The following FFAR2 variants were observed in gnomAD, a reference collection of about 807,000 sequenced individuals.
FFAR2 encodes G-protein coupled receptor 43.
For missense variants in FFAR2, 421 were observed against 428.9 expected (o/e 0.98, Z 0.16); for synonymous variants, 193 against 189.9 (o/e 1.02, Z -0.13).
Position 35,450,394 on chromosome 19 carries a change from C to T in FFAR2, c.680C>T (p.Thr227Met), listed in dbSNP as rs776786198. The change falls in exon 2 of 2, where the codon ACG (threonine) becomes ATG (methionine). Residue 227 changes from threonine (T) to methionine (M), a missense_variant. Transcript: ENST00000599180. ...CGAGCCGTGGGGCTGGCTGTGGTGA[C>T]GCTGCTCAATTTCCTGGTGTGCTTC... ...RRRAVGLAVV[T>M]LLNFLVCFGP... is the part of the protein sequence containing the mutation. The T allele has an allele frequency of 1.7e-5, 27 of 1,614,114 alleles. No individual in the cohort carries two copies. The East Asian group carries it at 2.0e-4, about 12-fold the overall frequency.
chr19:35,448,969 ATTT>A (rs761444547), intron 1 of FFAR2, among the ~76,000 whole-genome samples: 1 of 143,898 alleles, frequency 6.9e-6, no homozygotes. Context: ...CACCCGGCTA[ATTT>A]TTTTTTTTTT....
Position 35,450,110 on chromosome 19 carries a change from G to A in FFAR2, c.396G>A (p.Val132=). The change falls in exon 2 of 2, where the codon GTG becomes GTA. Residue 132 remains valine (V), a synonymous_variant. Coordinates refer to ENST00000599180, the MANE Select transcript of FFAR2 (RefSeq NM_001370087.1). ...RPLYGVIAAL[V]AWVMSFGHCT... is the part of the protein sequence containing the mutation. Reference sequence around the variant, plus strand: ...TGTATGGAGTGATTGCAGCTCTGGTGGCCTGGGTTATGTCCTTTGGTCACT... The same window carrying A: ...TGTATGGAGTGATTGCAGCTCTGGTAGCCTGGGTTATGTCCTTTGGTCACT... 6.2e-7 allele frequency: 1 copy of A among 1,614,214 alleles called. No individual in the cohort carries two copies. Among genetic ancestry groups the A allele is most frequent in the South Asian group, 1.1e-5 (1 of 91,088 alleles).
chr19:35,449,745 C>T lies in FFAR2; in HGVS notation c.31C>T (p.Leu11Phe). The change falls in exon 2 of 2, where the codon CTC becomes TTC. Residue 11 changes from leucine to phenylalanine, a missense_variant. Physicochemically the swap from Leu to Phe is conservative, Grantham distance 22 (BLOSUM62 0). Transcript: ENST00000599180. Reference protein sequence around the residue: MLPDWKSSLILMAYIIIFLTG... With the variant: MLPDWKSSLIFMAYIIIFLTG... ...GCCGGACTGGAAGAGCTCCTTGATC[C>T]TCATGGCTTACATCATCATCTTCCT... is the stretch of plus-strand genomic sequence containing the variant. 6.3e-7 allele frequency: 1 copy of T among 1,577,914 alleles called. No homozygotes were observed. Among genetic ancestry groups the T allele is most frequent in the Non-Finnish European group, 8.6e-7 (1 of 1,163,006 alleles).
rs541799551 is a variant in FFAR2, at chr19:35,451,710, A to C, written c.*1003A>C. On this transcript the variant is annotated 3_prime_UTR_variant, in exon 2 of 2. Coordinates refer to ENST00000599180, the MANE Select transcript of FFAR2 (RefSeq NM_001370087.1). ...AGCAATCAGAGATTGGCACTCCCTC[A>C]TACAGGGGAAAGCAACCTGGTCTAG... is the stretch of plus-strand genomic sequence containing the variant. 1.6e-4 allele frequency: 24 copies of C among 152,340 alleles called. No individual in the cohort carries two copies. Among genetic ancestry groups the C allele is most frequent in the Middle Eastern group, 3.4e-3 (1 of 294 alleles). The allele number at this position is 152,340 out of a possible 1,614,324, so 9.4% of individuals were successfully genotyped here.
chr19:35,449,299 A>G (rs2067364706), intron 1 of FFAR2, among the ~76,000 whole-genome samples: 1 of 152,188 alleles, frequency 6.6e-6, no homozygotes, highest in Admixed American at 6.5e-5. Flanking sequence ...ACTGATAAGC[A>G]TCTTACAGCT....
In FFAR2 at chr19:35,450,173, T is replaced by C; in HGVS notation, c.459T>C (p.Thr153=). ...TCATCGTTCAATACTTGAACACGAC[T>C]GAGCAGGTCAGAAGTGGCAATGAAA... ...IVIIVQYLNT[T]EQVRSGNEIT... is the part of the protein sequence containing the mutation. The change falls in exon 2 of 2, where the codon ACT becomes ACC. Residue 153 remains threonine (T), a synonymous_variant. Coordinates refer to ENST00000599180, the MANE Select transcript of FFAR2 (RefSeq NM_001370087.1). The C allele has an allele frequency of 6.2e-7, 1 of 1,614,218 alleles. No homozygotes were observed. The highest frequency in any genetic ancestry group is 8.5e-7 in the Non-Finnish European group (1 of 1,180,030).
Position 35,449,609 on chromosome 19 carries a change from G to A in FFAR2, c.-1-105G>A, listed in dbSNP as rs538031046. The stretch of plus-strand genomic sequence containing the variant: ...GGTGGCATCAGAAAGCACAGTCCTG[G>A]GAAGGGGACGGTGCCGGGGAGGATG... On this transcript the variant is annotated intron_variant, in intron 1 of 1. Transcript: ENST00000599180. The A allele has an allele frequency of 4.9e-6, 6 of 1,235,342 alleles. No individual in the cohort carries two copies. In the East Asian group the frequency reaches 1.4e-4, roughly 30 times the overall value. 76.5% of individuals were successfully genotyped at this position (1,235,342 alleles called of 1,614,324 possible).
Position 35,451,667 on chromosome 19 carries a change from G to A in FFAR2, c.*960G>A, listed in dbSNP as rs1236226102. The A allele has an allele frequency of 1.3e-5, 2 of 152,196 alleles. No individual in the cohort carries two copies. Among genetic ancestry groups the A allele is most frequent in the Admixed American group, 6.5e-5 (1 of 15,278 alleles). 9.4% of individuals were successfully genotyped at this position (152,196 alleles called of 1,614,324 possible). On this transcript the variant is annotated 3_prime_UTR_variant, in exon 2 of 2. Coordinates refer to ENST00000599180, the MANE Select transcript of FFAR2 (RefSeq NM_001370087.1). ...CCTCCATGGTACCCCACACAGGCCA[G>A]GATGTGGTTTGGTACCCAGCAATCA...
intron 1 of FFAR2, 90 bp from the exon 2 acceptor site, chr19:35,449,624 C>G (rs368888315): frequency 2.9e-6 from 4 of 1,383,344 alleles, no homozygotes; most frequent in South Asian, 1.4e-5. Flanking sequence ...GGGACGGTGC[C>G]GGGGAGGATG....
At position 35,450,008 on chromosome 19, in the gene FFAR2, G is replaced by A. The variant is rs575516069; in HGVS notation, c.294G>A (p.Trp98Ter). Residue 98 changes from tryptophan (W) to a stop codon, truncating the protein, a stop_gained, in exon 2 of 2, where the codon TGG (tryptophan) becomes TGA (stop). Transcript: ENST00000599180. LOFTEE classifies it low-confidence loss of function (END_TRUNC). ...ACAGCAGCATCTACTGCAGCACGTG[G>A]CTCCTGGCGGGCATCAGCATCGAGC... ...GFYSSIYCST[W>*]LLAGISIERY... The A allele has an allele frequency of 6.2e-7, 1 of 1,614,174 alleles. No individual in the cohort carries two copies. Among genetic ancestry groups the A allele is most frequent in the South Asian group, 1.1e-5 (1 of 91,088 alleles).
Position 35,450,613 on chromosome 19 carries a change from G to A in FFAR2, c.899G>A (p.Gly300Glu), listed in dbSNP as rs754514726. Residue 300 changes from glycine (G) to glutamate (E), a missense_variant, in exon 2 of 2, where the codon GGA becomes GAA. Gly to Glu is a moderately conservative substitution (Grantham distance 98, BLOSUM62 -2). Transcript: ENST00000599180. Reference protein sequence around the residue: ...VLRNQGSSLLGRRGKDTAEGT... With the variant: ...VLRNQGSSLLERRGKDTAEGT... The stretch of plus-strand genomic sequence containing the variant: ...CGGAATCAGGGCTCCTCCCTGTTGG[G>A]ACGCAGAGGCAAAGACACAGCAGAG... The A allele has an allele frequency of 1.2e-6, 2 of 1,614,214 alleles. No homozygotes were observed. Among genetic ancestry groups the A allele is most frequent in the South Asian group, 2.2e-5 (2 of 91,090 alleles).
rs117215242 is a variant in FFAR2 at position 35,449,819 on chromosome 19, G to T, written c.105G>T (p.Arg35=). 7,864 of 1,613,652 alleles carry T rather than the reference G, an allele frequency of 4.9e-3. 22 individuals are homozygous for T. The highest frequency in any genetic ancestry group is 6.1e-3 in the Non-Finnish European group (7,192 of 1,179,860). The change falls in exon 2 of 2, where the codon CGG becomes CGT. Residue 35 remains arginine (R), a synonymous_variant. Transcript: ENST00000599180. ...TGGCCCTGCGGGCCTTTGTGGGGCGGATCCGCCAGCCCCAGCCTGCACCTG... is the reference window on the plus strand; with the variant it reads ...TGGCCCTGCGGGCCTTTGTGGGGCGTATCCGCCAGCCCCAGCCTGCACCTG... ...NLLALRAFVG[R]IRQPQPAPVH...
Position 35,450,272 on chromosome 19 carries a change from G to A in FFAR2, c.558G>A (p.Val186=). Residue 186 remains valine, a synonymous_variant, in exon 2 of 2, where the codon GTG becomes GTA. Transcript: ENST00000599180. ...VLPVRLELCL[V]LFFIPMAVTI... ...CCGTGCGGCTGGAGCTGTGCCTGGT[G>A]CTCTTCTTCATCCCCATGGCAGTCA... 1 of 1,614,224 alleles carries A rather than the reference G, an allele frequency of 6.2e-7. No homozygotes were observed. Among genetic ancestry groups the A allele is most frequent in the Non-Finnish European group, 8.5e-7 (1 of 1,180,054 alleles).
At position 35,450,048 on chromosome 19, in the gene FFAR2, G is replaced by A. The variant is rs770297247; in HGVS notation, c.334G>A (p.Ala112Thr). 2 of 1,614,050 alleles carry A rather than the reference G, an allele frequency of 1.2e-6. No homozygotes were observed. The highest frequency in any genetic ancestry group is 1.7e-6 in the Non-Finnish European group (2 of 1,180,042). Residue 112 changes from alanine to threonine, a missense_variant, in exon 2 of 2, where the codon GCT becomes ACT. Physicochemically the swap from Ala to Thr is moderately conservative, Grantham distance 58. Transcript: ENST00000599180. Reference protein sequence around the residue: ...GISIERYLGVAFPVQYKLSRR... With the variant: ...GISIERYLGVTFPVQYKLSRR... ...CAGCATCGAGCGCTACCTGGGAGTG[G>A]CTTTCCCCGTGCAGTACAAGCTCTC...
Position 35,450,926 on chromosome 19 carries a change from G to T in FFAR2, c.*219G>T. 1.9e-6 allele frequency: 1 copy of T among 538,404 alleles called. No individual in the cohort carries two copies. The highest frequency in any genetic ancestry group is 3.3e-6 in the Non-Finnish European group (1 of 306,136). 33.4% of individuals were successfully genotyped at this position (538,404 alleles called of 1,614,324 possible). A position where few individuals can be genotyped will look rare whatever the true frequency, so the allele number is the denominator to read the frequency against. ...TCAGAGATGCACGAAGAAGTAGTTA[G>T]GTATAGAAGCACCTGCCGGGTGTGG... On this transcript the variant is annotated 3_prime_UTR_variant, in exon 2 of 2. Coordinates refer to ENST00000599180, the MANE Select transcript of FFAR2 (RefSeq NM_001370087.1).
Position 35,450,617 on chromosome 19 carries a change from C to A in FFAR2, c.903C>A (p.Arg301=), listed in dbSNP as rs534135705. Residue 301 remains arginine, a synonymous_variant, in exon 2 of 2, where the codon CGC becomes CGA. Coordinates refer to ENST00000599180, the MANE Select transcript of FFAR2 (RefSeq NM_001370087.1). ...LRNQGSSLLG[R]RGKDTAEGTN... ...ATCAGGGCTCCTCCCTGTTGGGACGCAGAGGCAAAGACACAGCAGAGGGGA... is the reference window on the plus strand; with the variant it reads ...ATCAGGGCTCCTCCCTGTTGGGACGAAGAGGCAAAGACACAGCAGAGGGGA... The A allele has an allele frequency of 3.7e-6, 6 of 1,614,168 alleles. No homozygotes were observed. In the Admixed American group the frequency reaches 1.0e-4, roughly 27 times the overall value.
In FFAR2 at chr19:35,450,644, A is replaced by G. The variant is rs2067376101; in HGVS notation, c.930A>G (p.Thr310=). The G allele has an allele frequency of 2.5e-6, 4 of 1,614,092 alleles. No individual in the cohort carries two copies. In the East Asian group the frequency reaches 8.9e-5, roughly 36 times the overall value. The change falls in exon 2 of 2, where the codon ACA becomes ACG. Residue 310 remains threonine, a synonymous_variant. Transcript: ENST00000599180. ...GAGGCAAAGACACAGCAGAGGGGACAAATGAGGACAGGGGTGTGGGTCAAG... is the reference window on the plus strand; with the variant it reads ...GAGGCAAAGACACAGCAGAGGGGACGAATGAGGACAGGGGTGTGGGTCAAG... ...GRRGKDTAEG[T]NEDRGVGQGE... is the part of the protein sequence containing the mutation.
chr19:35,449,439 G>A (rs2067365286), intron 1 of FFAR2, among the ~76,000 whole-genome samples: 1 of 152,216 alleles, frequency 6.6e-6, no homozygotes, highest in Admixed American at 6.5e-5. Context: ...AGGGAAACTG[G>A]AGGGGGAATT....
intron 1 of FFAR2, among the ~76,000 whole-genome samples, chr19:35,449,190 GACGA>G (rs1418828102): frequency 6.6e-6 from 1 of 152,174 alleles, no homozygotes; most frequent in Non-Finnish European, 1.5e-5. Context: ...CTGCAAAACA[GACGA>G]ACGGAAGTAG....
Sources: gnomAD v4.1 joint callset for allele counts (sites outside exome capture counted in the v4.1 genomes callset) on GRCh38, gnomAD v4.1.1 for gene constraint, MANE v1.5 for transcripts, NCBI Gene and HGNC (gene_info 2026-07-23, HGNC 2026-07-21) for gene names.